ANK3: variants seen among roughly 807,000 people sequenced by gnomAD.
ANK3 encodes the protein ankyrin 3, also known as ankyrin-3.
A neutral mutation model predicts 370.9 loss-of-function variants in ANK3; 57 were observed. The ratio of observed to expected loss-of-function variants is 0.15; its 90% CI spans 0.12 to 0.19. The LOEUF is 0.19. Among genes scored for constraint, ANK3 ranks in the 10% least tolerant of loss-of-function variants. The probability of loss-of-function intolerance (pLI) is 1.00; values close to 1 mark genes in which losing one functional copy is unlikely to be tolerated. For synonymous variants in ANK3, 1,929 were observed against 1,946.3 expected (o/e 0.99, Z 0.23); for missense variants, 4,439 against 5,302.1 (o/e 0.84, Z 5.06).
rs773940692 is a variant in ANK3 at position 60,072,233 on chromosome 10, A to G, written c.8648T>C (p.Ile2883Thr). 5.6e-6 allele frequency: 9 copies of G among 1,613,968 alleles called. No homozygotes were observed. Among genetic ancestry groups the G allele is most frequent in the Admixed American group, 1.7e-5 (1 of 59,984 alleles). ...VLVHDVRENH[I>T]GHPESKSVDQ... ...AACACTTTTACTCTCAGGGTGACCA[A>G]TGTGATTCTCTCTTACATCATGAAC... is the stretch of plus-strand genomic sequence containing the variant. The change falls in exon 37 of 44, where the codon ATT (isoleucine) becomes ACT (threonine). Residue 2883 changes from isoleucine to threonine, a missense_variant. Transcript: ENST00000280772.
At chr10:60,374,210 A>G (rs1353122186) in intron 1 of ANK3, among the ~76,000 whole-genome samples, 4 of 152,004 alleles carry the variant, frequency 2.6e-5, no homozygotes, top group Non-Finnish European at 5.9e-5. Context: ...ACAGACAAGG[A>G]AAGGGGATCC....
chr10:60,056,623 A>G (rs10994174), intron 41 of ANK3, among the ~76,000 whole-genome samples: 32,751 of 152,060 alleles, frequency 0.22, 3,637 homozygotes, highest in African/African-American at 0.24. Flanking sequence ...CTTGAATTCT[A>G]TCATCTTGAT....
chr10:60,642,142 G>A (rs948983208), intron 1 of ANK3, among the ~76,000 whole-genome samples: 3 of 150,456 alleles, frequency 2.0e-5, no homozygotes, highest in African/African-American at 7.3e-5. Context: ...ACAGGTGCTG[G>A]AGAGGATGTG....
At chr10:60,165,606 C>T (rs551076560) in intron 23 of ANK3, among the ~76,000 whole-genome samples, 4 of 152,224 alleles carry the variant, frequency 2.6e-5, no homozygotes, top group East Asian at 3.9e-4. Context: ...TCAGACTAGG[C>T]AAGCTTTTCC....
chr10:60,718,528 G>GAA (rs537567141), intron 1 of ANK3, among the ~76,000 whole-genome samples: 1 of 146,782 alleles, frequency 6.8e-6, no homozygotes, highest in African/African-American at 2.5e-5. Context: ...AACATAGAAG[G>GAA]AAAAAAAAAA....
At chr10:60,285,247 A>T (rs997589740) in intron 1 of ANK3, among the ~76,000 whole-genome samples, 1 of 152,166 alleles carries the variant, frequency 6.6e-6, no homozygotes, top group Admixed American at 6.6e-5. Flanking sequence ...GGTAATTAAC[A>T]ATGTGAGTGC....
At chr10:60,404,912 A>G (rs2063422876) in intron 2 of ANK3, among the ~76,000 whole-genome samples, 1 of 152,210 alleles carries the variant, frequency 6.6e-6, no homozygotes, top group Admixed American at 6.5e-5. Context: ...AGACTTTAAC[A>G]GACACTTACA....
intron 42 of ANK3, among the ~76,000 whole-genome samples, chr10:60,047,087 C>G (rs1382810663): frequency 1.3e-5 from 2 of 152,062 alleles, no homozygotes; most frequent in African/African-American, 2.4e-5. Context: ...GATTACAGGC[C>G]TGAGCCACCG....
At chr10:60,395,805 G>C (rs1198674557) in intron 2 of ANK3, among the ~76,000 whole-genome samples, 1 of 152,014 alleles carries the variant, frequency 6.6e-6, no homozygotes, top group African/African-American at 2.4e-5. Context: ...CTTGGTCCTT[G>C]CCCTCAAGTT....
In ANK3 at chr10:60,029,639, T is replaced by A. The variant is rs1588962378; in HGVS notation, c.*207A>T. 2 of 152,598 alleles carry A rather than the reference T, an allele frequency of 1.3e-5. No individual in the cohort carries two copies. The highest frequency in any genetic ancestry group is 2.9e-5 in the Non-Finnish European group (2 of 68,040). The allele number at this position is 152,598 out of a possible 1,614,324, so 9.5% of individuals were successfully genotyped here. On this transcript the variant is annotated 3_prime_UTR_variant, in exon 44 of 44. Transcript: ENST00000280772. ...AATCCGGAAATGAAAGTGATTTCCA[T>A]GCTCTGTAAATTGGCTCATGCTAAA...
chr10:60,225,322 G>C (rs2097123570), intron 8 of ANK3, among the ~76,000 whole-genome samples: 1 of 152,150 alleles, frequency 6.6e-6, no homozygotes, highest in Non-Finnish European at 1.5e-5. Context: ...AAAATTTTTT[G>C]AATGTCCTCT....
Position 60,075,228 on chromosome 10 carries a change from A to C in ANK3, c.5653T>G (p.Ser1885Ala), listed in dbSNP as rs1233520481. 6.2e-7 allele frequency: 1 copy of C among 1,614,168 alleles called. No homozygotes were observed. The highest frequency in any genetic ancestry group is 1.3e-5 in the African/African-American group (1 of 75,052). The change falls in exon 37 of 44, where the codon TCT becomes GCT. Residue 1885 changes from serine (S) to alanine (A), a missense_variant. Around this residue, in one of 13 missense-constraint regions of ANK3, gnomAD observed 679 missense variants for 791.0 expected, o/e 0.86. Coordinates refer to ENST00000280772, the MANE Select transcript of ANK3 (RefSeq NM_020987.5). ...PVKSSLFLAP[S>A]ALKLSTPSSL... ...GATGGTGTAGACAACTTAAGGGCAGAGGGTGCAAGGAACAAAGATGACTTA... is the reference window on the plus strand; with the variant it reads ...GATGGTGTAGACAACTTAAGGGCAGCGGGTGCAAGGAACAAAGATGACTTA...
At chr10:60,732,709 C>A (rs2080041090) in intron 1 of ANK3, among the ~76,000 whole-genome samples, 1 of 151,632 alleles carries the variant, frequency 6.6e-6, no homozygotes, top group Non-Finnish European at 1.5e-5. Flanking sequence ...CAAACAACAA[C>A]AAAAAAACGC....
intron 2 of ANK3, among the ~76,000 whole-genome samples, chr10:60,516,630 A>G (rs192461662): frequency 3.0e-4 from 45 of 152,206 alleles, no homozygotes; most frequent in African/African-American, 1.1e-3. Flanking sequence ...AGGAAAAAAA[A>G]ATTAGGAGTA....
intron 7 of ANK3, among the ~76,000 whole-genome samples, chr10:60,252,102 A>G (rs2097676540): frequency 6.6e-6 from 1 of 152,184 alleles, no homozygotes; most frequent in Non-Finnish European, 1.5e-5. Flanking sequence ...AGGGCCAATA[A>G]ATGATCGTGC....
intron 1 of ANK3, among the ~76,000 whole-genome samples, chr10:60,672,509 C>A (rs2079074479): frequency 6.6e-6 from 1 of 152,206 alleles, no homozygotes; most frequent in South Asian, 2.1e-4. Context: ...TTCAGCTTGA[C>A]AACACATCCA....
intron 40 of ANK3, 78 bp from the exon 41 acceptor site, chr10:60,059,508 T>G: frequency 7.5e-7 from 1 of 1,334,130 alleles, no homozygotes; most frequent in South Asian, 1.2e-5. Context: ...TGTCATCTCC[T>G]CAGACTCTAC....
chr10:60,639,113 A>G (rs946929688), intron 1 of ANK3, among the ~76,000 whole-genome samples: 2 of 152,026 alleles, frequency 1.3e-5, no homozygotes, highest in Non-Finnish European at 2.9e-5. Context: ...ATGATAAAGA[A>G]AATATGCTAA....
intron 8 of ANK3, among the ~76,000 whole-genome samples, chr10:60,224,909 C>A (rs1056065011): frequency 6.7e-6 from 1 of 149,376 alleles, no homozygotes; most frequent in Non-Finnish European, 1.5e-5. Flanking sequence ...TTTTCTTTTT[C>A]TTTCTTTTTT....
Sources: allele counts gnomAD v4.1 joint callset (sites outside exome capture counted in the v4.1 genomes callset), GRCh38; gene constraint gnomAD v4.1.1; regional missense constraint gnomAD v4.1.1; transcripts MANE v1.5; gene names NCBI Gene and HGNC (gene_info 2026-07-23, HGNC 2026-07-21).